Variants in ZFR2 observed in about 807,000 individuals in gnomAD.
The protein encoded by ZFR2 is zinc finger RNA binding protein 2.
Under a neutral mutation model 105.7 loss-of-function variants are expected in ZFR2, and 104 were observed. That is an observed-to-expected ratio of 0.98 (90% CI 0.84 to 1.16). The LOEUF (loss-of-function observed/expected upper bound fraction) is 1.16, where lower values mean the gene tolerates loss of function less well. Among genes scored for constraint, ZFR2 ranks in the 50% most tolerant of loss-of-function variants. ZFR2 has a pLI of 0.00. For synonymous variants in ZFR2, 634 were observed against 597.7 expected, an observed-to-expected ratio of 1.06 and a Z score of -0.89; for missense variants, 1,425 against 1,355.5, an observed-to-expected ratio of 1.05 and a Z score of -0.80.
chr19:3,821,950 C>T (rs893762077), intron 9 of ZFR2, 131 bp downstream of exon 9: 23 of 1,373,656 alleles, frequency 1.7e-5, no homozygotes, highest in Non-Finnish European at 2.1e-5. Flanking sequence ...GTTGAAAACC[C>T]AGAAAATCAC....
chr19:3,831,533 C>T lies in ZFR2; in HGVS notation c.622G>A (p.Ala208Thr), dbSNP rs751547243. 1.0e-5 allele frequency: 16 copies of T among 1,560,516 alleles called. No individual in the cohort carries two copies. Among genetic ancestry groups the T allele is most frequent in the Middle Eastern group, 1.7e-4 (1 of 6,004 alleles). ...GGGCTGGCAGCGGAGTACACCGACGCGTCATAGTTCGGGTAGCTTGGTGCT... is the reference window on the plus strand; with the variant it reads ...GGGCTGGCAGCGGAGTACACCGACGTGTCATAGTTCGGGTAGCTTGGTGCT... ...YTAPSYPNYD[A>T]SVYSAASPFY... Residue 208 changes from alanine (A) to threonine (T), a missense_variant, in exon 5 of 19, where the codon GCG becomes ACG. Physicochemically the swap from Ala to Thr is moderately conservative, Grantham distance 58 (BLOSUM62 0). Transcript: ENST00000262961.
intron 18 of ZFR2, 130 bp downstream of exon 18, chr19:3,807,042 C>T: frequency 1.4e-6 from 1 of 701,030 alleles, no homozygotes; most frequent in South Asian, 1.9e-5. Context: ...CCACGGGCCG[C>T]CCTCCTGTTC....
intron 12 of ZFR2, 101 bp from the exon 13 acceptor site, chr19:3,816,946 C>G: frequency 6.5e-6 from 7 of 1,080,306 alleles, no homozygotes; most frequent in Non-Finnish European, 9.2e-6. Flanking sequence ...GTTACAGAGC[C>G]TCTCTGTGCC....
chr19:3,809,815 G>A (rs935401178), intron 16 of ZFR2, among the ~76,000 whole-genome samples: 67 of 151,852 alleles, frequency 4.4e-4, no homozygotes, highest in Admixed American at 3.7e-3. Flanking sequence ...GTGGTGGTGC[G>A]TGCCTGTAAT....
chr19:3,818,919 A>T, intron 12 of ZFR2, 126 bp downstream of exon 12: 1 of 1,230,436 alleles, frequency 8.1e-7, no homozygotes, highest in Non-Finnish European at 1.1e-6. Flanking sequence ...GGGGCTGGAA[A>T]GCTGCCGCGG....
intron 1 of ZFR2, among the ~76,000 whole-genome samples, chr19:3,863,413 C>T (rs958013504): frequency 2.0e-5 from 3 of 152,052 alleles, no homozygotes; most frequent in African/African-American, 7.2e-5. Context: ...GTCCCCACTC[C>T]GGGGAGGGGC....
intron 18 of ZFR2, among the ~76,000 whole-genome samples, chr19:3,806,952 C>T (rs570087049): frequency 3.9e-5 from 6 of 152,206 alleles, no homozygotes; most frequent in Non-Finnish European, 7.3e-5. Context: ...GCGTCATTAA[C>T]GGTGGTGGCT....
intron 1 of ZFR2, among the ~76,000 whole-genome samples, chr19:3,860,197 A>ATTT (rs113571842): frequency 6.7e-5 from 9 of 134,978 alleles, no homozygotes; most frequent in Non-Finnish European, 4.7e-5. Context: ...TGCCTGGCTA[A>ATTT]TTTTTTTTTT....
intron 1 of ZFR2, among the ~76,000 whole-genome samples, chr19:3,848,958 C>T (rs182817574): frequency 6.6e-6 from 1 of 152,374 alleles, no homozygotes; most frequent in East Asian, 1.9e-4. Context: ...CACACCACTG[C>T]ACTCCAGCCT....
At chr19:3,861,035 T>C in intron 1 of ZFR2, among the ~76,000 whole-genome samples, 1 of 152,028 alleles carries the variant, frequency 6.6e-6, no homozygotes, top group East Asian at 1.9e-4. Flanking sequence ...CCTGGGGACA[T>C]TACAGGTCAC....
rs577050984 is a variant in ZFR2 at position 3,816,685 on chromosome 19, G to A, written c.2092C>T (p.Arg698Trp). 2.0e-4 allele frequency: 323 copies of A among 1,608,484 alleles called. 5 individuals are homozygous for A. The South Asian group carries it at 2.5e-3, about 12-fold the overall frequency. Residue 698 changes from arginine to tryptophan, a missense_variant, in exon 13 of 19, where the codon CGG becomes TGG. By Grantham distance (101) the Arg-to-Trp change is moderately radical. Transcript: ENST00000262961. The stretch of plus-strand genomic sequence containing the variant: ...GGCCCTGACCTTACCTGGAGCTGCC[G>A]GGGCAGCTGCTGGGCGATCCTCCGC... ...LLRRIAQQLP[R>W]QLQMVTEDEY...
chr19:3,840,669 C>G (rs2038125383), intron 1 of ZFR2, among the ~76,000 whole-genome samples: 1 of 152,024 alleles, frequency 6.6e-6, no homozygotes, highest in South Asian at 2.1e-4. Flanking sequence ...AAGCTGGGAC[C>G]ACAGGCATGC....
chr19:3,829,705 G>T (rs944098380), intron 5 of ZFR2, among the ~76,000 whole-genome samples: 10 of 152,086 alleles, frequency 6.6e-5, no homozygotes, highest in Admixed American at 5.9e-4. Flanking sequence ...TAGAGACAGG[G>T]TTTCACCCAT....
Position 3,804,377 on chromosome 19 carries a change from A to G in ZFR2, c.*1572T>C, listed in dbSNP as rs1470499087. The G allele has an allele frequency of 6.6e-6, 1 of 151,954 alleles. No individual in the cohort carries two copies. Among genetic ancestry groups the G allele is most frequent in the East Asian group, 1.9e-4 (1 of 5,142 alleles). 9.4% of individuals were successfully genotyped at this position (151,954 alleles called of 1,614,324 possible). A position where few individuals can be genotyped will look rare whatever the true frequency, so the allele number is the denominator to read the frequency against. On this transcript the variant is annotated 3_prime_UTR_variant, in exon 19 of 19. Transcript: ENST00000262961. ...GGCACGGGTCCCGGGCCCTGCTACC[A>G]CAAGGGGGGATTGGGGACCCCCTGC...
chr19:3,850,755 C>T (rs544398796), intron 1 of ZFR2, among the ~76,000 whole-genome samples: 1 of 150,234 alleles, frequency 6.7e-6, no homozygotes, highest in Admixed American at 6.6e-5. Flanking sequence ...AACAACAAAA[C>T]AAACACACAC....
chr19:3,810,616 C>T (rs937308372), intron 16 of ZFR2, 134 bp downstream of exon 16: 19 of 766,596 alleles, frequency 2.5e-5, no homozygotes, highest in Admixed American at 6.4e-5. Context: ...GGGACTCCCA[C>T]GGCCTCTCCT....
At chr19:3,829,623 C>T (rs2037990073) in intron 5 of ZFR2, among the ~76,000 whole-genome samples, 1 of 152,178 alleles carries the variant, frequency 6.6e-6, no homozygotes, top group South Asian at 2.1e-4. Flanking sequence ...AACGATCCTC[C>T]CACCTCAGCC....
chr19:3,812,158 G>A (rs2037772644), intron 14 of ZFR2, among the ~76,000 whole-genome samples: 1 of 152,078 alleles, frequency 6.6e-6, no homozygotes, highest in South Asian at 2.1e-4. Context: ...TGGCCAGGCT[G>A]ATCTCGAACC....
At chr19:3,848,863 G>A (rs576798805) in intron 1 of ZFR2, among the ~76,000 whole-genome samples, 12 of 151,726 alleles carry the variant, frequency 7.9e-5, no homozygotes, top group Admixed American at 2.6e-4. Flanking sequence ...GTGTGGTGGC[G>A]GGCACCTGTA....
Sources: allele counts gnomAD v4.1 joint callset (sites outside exome capture counted in the v4.1 genomes callset), GRCh38; gene constraint gnomAD v4.1.1; transcripts MANE v1.5; gene names NCBI Gene and HGNC (gene_info 2026-07-23, HGNC 2026-07-21).